OR8U3: variants seen among roughly 807,000 people sequenced by gnomAD.
OR8U3 encodes the protein olfactory receptor 8U3.
For synonymous variants in OR8U3, 170 were observed against 147.0 expected (o/e 1.16, Z -1.13); for missense variants, 429 against 388.6 (o/e 1.10, Z -0.88).
rs748035279 is a variant in OR8U3 at position 56,418,155 on chromosome 11, C to T, written c.78G>A (p.Pro26=). The part of the protein sequence containing the change: ...GITNRPELQA[P]CFGVFLVIYL... ...AGATAACTAAAAACACCCCAAAGCA[C>T]GGGGCCTGAAGCTCTGGCCGGTTGG... The change falls in exon 1 of 1, where the codon CCG becomes CCA. Residue 26 remains proline, a synonymous_variant. Transcript: ENST00000623286. 14 of 1,613,496 alleles carry T rather than the reference C, an allele frequency of 8.7e-6. No homozygotes were observed. Among genetic ancestry groups the T allele is most frequent in the Middle Eastern group, 1.6e-4 (1 of 6,078 alleles).
chr11:56,418,164 AAGCTC>A lies in OR8U3; in HGVS notation c.64_68del (p.Glu22SerfsTer29). ...AAAACACCCCAAAGCACGGGGCCTG[AAGCTC>A]TGGCCGGTTGGTAATTCCTTTCAGA... On this transcript the variant is annotated frameshift_variant, in exon 1 of 1. Transcript: ENST00000623286. LOFTEE classifies it low-confidence loss of function (END_TRUNC). 1 of 1,613,604 alleles carries A rather than the reference AAGCTC, an allele frequency of 6.2e-7. No homozygotes were observed. Among genetic ancestry groups the A allele is most frequent in the Non-Finnish European group, 8.5e-7 (1 of 1,179,668 alleles).
In OR8U3 at chr11:56,418,119, T is replaced by C. The variant is rs1215231260; in HGVS notation, c.114A>G (p.Thr38=). 6.2e-7 allele frequency: 1 copy of C among 1,613,830 alleles called. No individual in the cohort carries two copies. The highest frequency in any genetic ancestry group is 1.7e-5 in the Admixed American group (1 of 59,966). The part of the protein sequence containing the change: ...FGVFLVIYLV[T]VLGNLGLITL... Reference sequence around the variant, plus strand: ...TAATCAACCCAAGATTGCCCAGCACTGTGACCAGATAGATAACTAAAAACA... The same window carrying C: ...TAATCAACCCAAGATTGCCCAGCACCGTGACCAGATAGATAACTAAAAACA... The change falls in exon 1 of 1, where the codon ACA becomes ACG. Residue 38 remains threonine (T), a synonymous_variant. Transcript: ENST00000623286.
In OR8U3 at chr11:56,417,274, A is replaced by C; in HGVS notation, c.959T>G (p.Ile320Arg). 7.3e-7 allele frequency: 1 copy of C among 1,374,556 alleles called. No homozygotes were observed. The highest frequency in any genetic ancestry group is 1.0e-6 in the Non-Finnish European group (1 of 998,728). 85.1% of individuals were successfully genotyped at this position (1,374,556 alleles called of 1,614,324 possible). The change falls in exon 1 of 1, where the codon ATA (isoleucine) becomes AGA (arginine). Residue 320 changes from isoleucine to arginine, a missense_variant. By Grantham distance (97) the Ile-to-Arg change is moderately conservative. Transcript: ENST00000623286. ...CCTGCTTGTTTAATAAAGTTTTCTT[A>C]TTTTTAAAAATGTTAATATCTGTAA... is the stretch of plus-strand genomic sequence containing the variant. ...ENLQILTFLK[I>R]RKLY
At position 56,417,586 on chromosome 11, in the gene OR8U3, G is replaced by T. The variant is rs751571739; in HGVS notation, c.647C>A (p.Thr216Asn). ...AGCGGCAATAATAAAGATGTAGGAGGTGAGGACAATGGAAGAGGAAGAGAT... is the reference window on the plus strand; with the variant it reads ...AGCGGCAATAATAAAGATGTAGGAGTTGAGGACAATGGAAGAGGAAGAGAT... ...DMISSSSIVL[T>N]SYIFIIAAIL... Residue 216 changes from threonine (T) to asparagine (N), a missense_variant, in exon 1 of 1, where the codon ACC becomes AAC. By Grantham distance (65) the Thr-to-Asn change is moderately conservative (BLOSUM62 0). Coordinates refer to ENST00000623286, the MANE Select transcript of OR8U3 (RefSeq NM_001004744.1). 13 of 1,613,878 alleles carry T rather than the reference G, an allele frequency of 8.1e-6. No individual in the cohort carries two copies. In the Admixed American group the frequency reaches 2.0e-4, roughly 25 times the overall value.
At position 56,417,952 on chromosome 11, in the gene OR8U3, A is replaced by G; in HGVS notation, c.281T>C (p.Phe94Ser). Residue 94 changes from phenylalanine to serine, a missense_variant, in exon 1 of 1, where the codon TTC becomes TCC. Coordinates refer to ENST00000623286, the MANE Select transcript of OR8U3 (RefSeq NM_001004744.1). ...NFVVERNTIP[F>S]HACATQLGCF... ...ACCCAGTTGGGTTGCACAAGCATGG[A>G]AAGGAATGGTGTTGCGTTCCACAAC... The G allele has an allele frequency of 6.2e-7, 1 of 1,613,860 alleles. No individual in the cohort carries two copies. Among genetic ancestry groups the G allele is most frequent in the African/African-American group, 1.3e-5 (1 of 75,022 alleles).
chr11:56,418,148 C>A lies in OR8U3; in HGVS notation c.85G>T (p.Gly29Trp). Reference protein sequence around the residue: ...NRPELQAPCFGVFLVIYLVTV... With the variant: ...NRPELQAPCFWVFLVIYLVTV... ...ACCAGATAGATAACTAAAAACACCCCAAAGCACGGGGCCTGAAGCTCTGGC... is the reference window on the plus strand; with the variant it reads ...ACCAGATAGATAACTAAAAACACCCAAAAGCACGGGGCCTGAAGCTCTGGC... Residue 29 changes from glycine to tryptophan, a missense_variant, in exon 1 of 1, where the codon GGG (glycine) becomes TGG (tryptophan). Coordinates refer to ENST00000623286, the MANE Select transcript of OR8U3 (RefSeq NM_001004744.1). The A allele has an allele frequency of 6.2e-7, 1 of 1,613,804 alleles. No homozygotes were observed. The highest frequency in any genetic ancestry group is 8.5e-7 in the Non-Finnish European group (1 of 1,179,834).
Position 56,417,430 on chromosome 11 carries a change from A to C in OR8U3, c.803T>G (p.Leu268Trp). 2 of 1,613,574 alleles carry C rather than the reference A, an allele frequency of 1.2e-6. No individual in the cohort carries two copies. Among genetic ancestry groups the C allele is most frequent in the Non-Finnish European group, 1.7e-6 (2 of 1,179,526 alleles). ...MYLQPKSNHSLDTDKMASVFY... is the reference protein window; with the variant it reads ...MYLQPKSNHSWDTDKMASVFY... ...TACAGAAGCCATCTTGTCTGTGTCC[A>C]AGGAGTGATTTGATTTGGGCTGTAG... Residue 268 changes from leucine to tryptophan, a missense_variant, in exon 1 of 1, where the codon TTG (leucine) becomes TGG (tryptophan). Coordinates refer to ENST00000623286, the MANE Select transcript of OR8U3 (RefSeq NM_001004744.1).
chr11:56,418,072 C>A lies in OR8U3; in HGVS notation c.161G>T (p.Arg54Leu). Residue 54 changes from arginine (R) to leucine (L), a missense_variant, in exon 1 of 1, where the codon CGA (arginine) becomes CTA (leucine). Coordinates refer to ENST00000623286, the MANE Select transcript of OR8U3 (RefSeq NM_001004744.1). ...GLITLIKIDT[R>L]LHTPMYYFLS... Reference sequence around the variant, plus strand: ...GAAATAGTACATAGGTGTGTGGAGTCGAGTATCAATCTTGATTAAAGTAAT... The same window carrying A: ...GAAATAGTACATAGGTGTGTGGAGTAGAGTATCAATCTTGATTAAAGTAAT... The A allele has an allele frequency of 6.2e-7, 1 of 1,613,742 alleles. No individual in the cohort carries two copies. Among genetic ancestry groups the A allele is most frequent in the Non-Finnish European group, 8.5e-7 (1 of 1,179,832 alleles).
Position 56,418,044 on chromosome 11 carries a change from G to A in OR8U3, c.189C>T (p.Leu63=). 6.2e-7 allele frequency: 1 copy of A among 1,613,802 alleles called. No individual in the cohort carries two copies. ...AAAGGTCAACAAAGGCCAGGTGGCT[G>A]AGGAAATAGTACATAGGTGTGTGGA... is the stretch of plus-strand genomic sequence containing the variant. ...TRLHTPMYYF[L]SHLAFVDLCY... Residue 63 remains leucine (L), a synonymous_variant, in exon 1 of 1, where the codon CTC becomes CTT. Coordinates refer to ENST00000623286, the MANE Select transcript of OR8U3 (RefSeq NM_001004744.1).
rs1336206825 is a variant in OR8U3, at chr11:56,417,379, AAC to A, written c.852_853del (p.Met284IlefsTer7). 3.1e-6 allele frequency: 5 copies of A among 1,612,978 alleles called. No homozygotes were observed. The highest frequency in any genetic ancestry group is 4.2e-6 in the Non-Finnish European group (5 of 1,179,104). On this transcript the variant is annotated frameshift_variant, in exon 1 of 1. Coordinates refer to ENST00000623286, the MANE Select transcript of OR8U3 (RefSeq NM_001004744.1). LOFTEE classifies it low-confidence loss of function (END_TRUNC). Reference sequence around the variant, plus strand: ...CCTTAGACTATAGATTAGGGGGTTTAACATGGGGATCACCACTGTGTAAAATA... The same window carrying A: ...CCTTAGACTATAGATTAGGGGGTTTAATGGGGATCACCACTGTGTAAAATA...
rs778418979 is a variant in OR8U3, at chr11:56,417,841, T to G, written c.392A>C (p.His131Pro). The change falls in exon 1 of 1, where the codon CAT (histidine) becomes CCT (proline). Residue 131 changes from histidine (H) to proline (P), a missense_variant. By Grantham distance (77) the His-to-Pro change is moderately conservative. Coordinates refer to ENST00000623286, the MANE Select transcript of OR8U3 (RefSeq NM_001004744.1). ...DCYVAICSPL[H>P]YSTLMSRRVC... ...TCTTCTTGACATCAGTGTTGAATAA[T>G]GCAGGGGACTACAGATGGCGACATA... The G allele has an allele frequency of 6.2e-7, 1 of 1,613,718 alleles. No homozygotes were observed.
At position 56,417,850 on chromosome 11, in the gene OR8U3, CTA is replaced by C; in HGVS notation, c.381_382del (p.Cys127TrpfsTer48). 6.2e-7 allele frequency: 1 copy of C among 1,613,798 alleles called. No homozygotes were observed. The highest frequency in any genetic ancestry group is 1.1e-5 in the South Asian group (1 of 91,084). On this transcript the variant is annotated frameshift_variant, in exon 1 of 1. Transcript: ENST00000623286. LOFTEE classifies it low-confidence loss of function (END_TRUNC). ...CATCAGTGTTGAATAATGCAGGGGA[CTA>C]CAGATGGCGACATAGCAATCGTAGG...
At position 56,417,442 on chromosome 11, in the gene OR8U3, G is replaced by C. The variant is rs760040516; in HGVS notation, c.791C>G (p.Ser264Ter). The C allele has an allele frequency of 6.2e-7, 1 of 1,613,320 alleles. No individual in the cohort carries two copies. The highest frequency in any genetic ancestry group is 8.5e-7 in the Non-Finnish European group (1 of 1,179,310). Residue 264 changes from serine to a stop codon, truncating the protein, a stop_gained, in exon 1 of 1, where the codon TCA becomes TGA. Transcript: ENST00000623286. LOFTEE classifies it low-confidence loss of function (END_TRUNC). Reference protein sequence around the residue: ...TLIFMYLQPKSNHSLDTDKMA... With the variant: ...TLIFMYLQPK ...CTTGTCTGTGTCCAAGGAGTGATTTGATTTGGGCTGTAGGTACATAAAGAT... is the reference window on the plus strand; with the variant it reads ...CTTGTCTGTGTCCAAGGAGTGATTTCATTTGGGCTGTAGGTACATAAAGAT...
At position 56,417,632 on chromosome 11, in the gene OR8U3, C is replaced by A. The variant is rs1326334073; in HGVS notation, c.601G>T (p.Ala201Ser). The A allele has an allele frequency of 6.2e-7, 1 of 1,613,934 alleles. No homozygotes were observed. The highest frequency in any genetic ancestry group is 2.2e-5 in the East Asian group (1 of 44,872). ...GAGATCATATCAAAGCCAGCAAAGG[C>A]AAATATCAGAATTTCCTTCATGTGT... The part of the protein sequence containing the change: ...DTHMKEILIF[A>S]FAGFDMISSS... The change falls in exon 1 of 1, where the codon GCC becomes TCC. Residue 201 changes from alanine (A) to serine (S), a missense_variant. Transcript: ENST00000623286.
At position 56,417,913 on chromosome 11, in the gene OR8U3, A is replaced by T. The variant is rs139218461; in HGVS notation, c.320T>A (p.Phe107Tyr). 8 of 1,613,770 alleles carry T rather than the reference A, an allele frequency of 5.0e-6. No homozygotes were observed. The highest frequency in any genetic ancestry group is 6.8e-6 in the Non-Finnish European group (8 of 1,179,874). ...CATQLGCFLT[F>Y]MITECFLLAS... ...TAGAAGGAAACACTCAGTGATCATG[A>T]AGGTGAGAAAACAACCCAGTTGGGT... The change falls in exon 1 of 1, where the codon TTC (phenylalanine) becomes TAC (tyrosine). Residue 107 changes from phenylalanine to tyrosine, a missense_variant. By Grantham distance (22) the Phe-to-Tyr change is conservative (BLOSUM62 3). Transcript: ENST00000623286.
rs1291108161 is a variant in OR8U3, at chr11:56,417,447, GGGCTGTA to G, written c.779_785del (p.Leu260ProfsTer20). 6.2e-7 allele frequency: 1 copy of G among 1,613,348 alleles called. No individual in the cohort carries two copies. Among genetic ancestry groups the G allele is most frequent in the South Asian group, 1.1e-5 (1 of 91,046 alleles). The stretch of plus-strand genomic sequence containing the variant: ...CTGTGTCCAAGGAGTGATTTGATTT[GGGCTGTA>G]GGTACATAAAGATCAGTGTGCCATA... On this transcript the variant is annotated frameshift_variant, in exon 1 of 1. Coordinates refer to ENST00000623286, the MANE Select transcript of OR8U3 (RefSeq NM_001004744.1). LOFTEE classifies it low-confidence loss of function (END_TRUNC).
Position 56,417,340 on chromosome 11 carries a change from T to C in OR8U3, c.893A>G (p.Lys298Arg), listed in dbSNP as rs2134978453. ...ATCCAAGGCTTTCTTTGAGGCATCT[T>C]TCACTTCTTTGTTCCTTAGACTATA... ...LIYSLRNKEV[K>R]DASKKALDKG... Residue 298 changes from lysine to arginine, a missense_variant, in exon 1 of 1, where the codon AAA becomes AGA. Physicochemically the swap from Lys to Arg is conservative, Grantham distance 26 (BLOSUM62 2). Transcript: ENST00000623286. 1.2e-6 allele frequency: 2 copies of C among 1,606,286 alleles called. No individual in the cohort carries two copies. The highest frequency in any genetic ancestry group is 1.1e-5 in the South Asian group (1 of 90,432).
rs1853180774 is a variant in OR8U3, at chr11:56,418,087, A to T, written c.146T>A (p.Ile49Asn). 2.5e-6 allele frequency: 4 copies of T among 1,613,788 alleles called. No homozygotes were observed. Among genetic ancestry groups the T allele is most frequent in the Non-Finnish European group, 3.4e-6 (4 of 1,179,884 alleles). ...VLGNLGLITLIKIDTRLHTPM... is the reference protein window; with the variant it reads ...VLGNLGLITLNKIDTRLHTPM... The stretch of plus-strand genomic sequence containing the variant: ...TGTGTGGAGTCGAGTATCAATCTTG[A>T]TTAAAGTAATCAACCCAAGATTGCC... The change falls in exon 1 of 1, where the codon ATC becomes AAC. Residue 49 changes from isoleucine to asparagine, a missense_variant. Transcript: ENST00000623286.
At position 56,417,860 on chromosome 11, in the gene OR8U3, C is replaced by T. The variant is rs771782696; in HGVS notation, c.373G>A (p.Ala125Thr). The T allele has an allele frequency of 6.8e-6, 11 of 1,613,748 alleles. No homozygotes were observed. Among genetic ancestry groups the T allele is most frequent in the South Asian group, 2.2e-5 (2 of 91,068 alleles). ...GAATAATGCAGGGGACTACAGATGG[C>T]GACATAGCAATCGTAGGCCATGGAG... ...LASMAYDCYV[A>T]ICSPLHYSTL... is the part of the protein sequence containing the mutation. Residue 125 changes from alanine (A) to threonine (T), a missense_variant, in exon 1 of 1, where the codon GCC becomes ACC. By Grantham distance (58) the Ala-to-Thr change is moderately conservative (BLOSUM62 0). Coordinates refer to ENST00000623286, the MANE Select transcript of OR8U3 (RefSeq NM_001004744.1).
Sources: gnomAD v4.1 joint callset for allele counts on GRCh38, gnomAD v4.1.1 for gene constraint, MANE v1.5 for transcripts, NCBI Gene and HGNC (gene_info 2026-07-23, HGNC 2026-07-21) for gene names.